The following RFPL4A variants were observed in gnomAD, a reference collection of about 807,000 sequenced individuals.
The protein encoded by RFPL4A is ret finger protein like 4A, also known as ret finger protein-like 4A.
A neutral mutation model predicts 8.3 loss-of-function variants in RFPL4A; 4 were observed. The ratio of observed to expected loss-of-function variants is 0.48; its 90% CI spans 0.24 to 1.10. The LOEUF is 1.10. RFPL4A is among the 50% of genes least tolerant of loss of function. The probability of loss-of-function intolerance (pLI) is 0.18; values close to 1 mark genes in which losing one functional copy is unlikely to be tolerated. For synonymous variants in RFPL4A, 43 were observed against 136.6 expected, an observed-to-expected ratio of 0.31 and a Z score of 4.78; for missense variants, 111 against 358.7, an observed-to-expected ratio of 0.31 and a Z score of 5.58.
intron 1 of RFPL4A, among the ~76,000 whole-genome samples, chr19:55,759,917 T>C (rs532055273): frequency 6.6e-6 from 1 of 151,852 alleles, no homozygotes; most frequent in South Asian, 2.1e-4. Flanking sequence ...AATAATCCAA[T>C]GTATATACCA....
At position 55,762,846 on chromosome 19, in the gene RFPL4A, G is replaced by T; in HGVS notation, c.535G>T (p.Val179Leu). The T allele has an allele frequency of 2.1e-6, 3 of 1,447,890 alleles. No homozygotes were observed. The highest frequency in any genetic ancestry group is 4.9e-5 in the East Asian group (2 of 40,746). 89.7% of individuals were successfully genotyped at this position (1,447,890 alleles called of 1,614,324 possible). A position where few individuals can be genotyped will look rare whatever the true frequency, so the allele number is the denominator to read the frequency against. The change falls in exon 3 of 3, where the codon GTG becomes TTG. Residue 179 changes from valine to leucine, a missense_variant. Physicochemically the swap from Val to Leu is conservative, Grantham distance 32 (BLOSUM62 1). Coordinates refer to ENST00000434937, the MANE Select transcript of RFPL4A (RefSeq NM_001145014.2). ...KESVNRQGKIVLSSEHGFLTV... is the reference protein window; with the variant it reads ...KESVNRQGKILLSSEHGFLTV... The stretch of plus-strand genomic sequence containing the variant: ...ATCTGTGAACCGACAGGGGAAGATT[G>T]TGCTTTCTTCAGAACACGGCTTCTT...
chr19:55,761,764 T>G (rs1290713990), intron 1 of RFPL4A, 28 bp from the exon 2 acceptor site: 2 of 1,417,420 alleles, frequency 1.4e-6, no homozygotes, highest in African/African-American at 3.2e-5. Context: ...GTGGAAATTC[T>G]AATTCTGTGT....
chr19:55,757,308 G>A (rs544080739), upstream of RFPL4A, among the ~76,000 whole-genome samples: 1 of 151,914 alleles, frequency 6.6e-6, no homozygotes, highest in African/African-American at 2.4e-5. Context: ...AGCCCACATG[G>A]CACATCTATA....
chr19:55,757,733 A>G (rs1304966117), upstream of RFPL4A, among the ~76,000 whole-genome samples: 4 of 152,100 alleles, frequency 2.6e-5, no homozygotes, highest in Admixed American at 2.0e-4. Flanking sequence ...TTCTGAACGG[A>G]AGAACTCCTC....
chr19:55,759,340 G>C (rs2868054), intron 1 of RFPL4A, among the ~76,000 whole-genome samples, 165 bp downstream of exon 1: 10 of 152,172 alleles, frequency 6.6e-5, no homozygotes, highest in Non-Finnish European at 1.2e-4. Flanking sequence ...AGTTAGGTAA[G>C]TCTTAGATTT....
At position 55,763,163 on chromosome 19, in the gene RFPL4A, T is replaced by A; in HGVS notation, c.852T>A (p.Ser284=). Reference sequence around the variant, plus strand: ...CCGCTGCCAGTGCCCCAGTTTCTTCTGAGGGAAAGTAAATAAACATTTGAA... The same window carrying A: ...CCGCTGCCAGTGCCCCAGTTTCTTCAGAGGGAAAGTAAATAAACATTTGAA... ...NPSAASAPVS[S]EGK Residue 284 remains serine (S), a synonymous_variant, in exon 3 of 3, where the codon TCT becomes TCA. Coordinates refer to ENST00000434937, the MANE Select transcript of RFPL4A (RefSeq NM_001145014.2). 1.3e-6 allele frequency: 2 copies of A among 1,536,498 alleles called. No homozygotes were observed. The highest frequency in any genetic ancestry group is 1.7e-6 in the Non-Finnish European group (2 of 1,144,510).
chr19:55,762,064 C>A lies in RFPL4A; in HGVS notation c.264C>A (p.Asn88Lys), dbSNP rs1328710012. The change falls in exon 2 of 3, where the codon AAC becomes AAA. Residue 88 changes from asparagine (N) to lysine (K), a missense_variant. Transcript: ENST00000434937. ...AGCTGAAATCTGTTCTAACAATGAA[C>A]CCAAGGATGAGGAAGTTTCAAGGTA... is the stretch of plus-strand genomic sequence containing the variant. ...EPKLKSVLTM[N>K]PRMRKFQVDM... 2 of 1,461,316 alleles carry A rather than the reference C, an allele frequency of 1.4e-6. No individual in the cohort carries two copies. The highest frequency in any genetic ancestry group is 2.3e-5 in the Admixed American group (1 of 42,758). The allele number at this position is 1,461,316 out of a possible 1,614,324, so 90.5% of individuals were successfully genotyped here.
intron 1 of RFPL4A, among the ~76,000 whole-genome samples, chr19:55,759,863 T>A (rs1452324124): frequency 1.3e-5 from 2 of 151,640 alleles, no homozygotes; most frequent in Non-Finnish European, 2.9e-5. Context: ...TCGGCCTTCA[T>A]CCACATTGGT....
intron 1 of RFPL4A, among the ~76,000 whole-genome samples, chr19:55,761,085 C>CTTTTTTTTTTTTTTTTTT (rs569591290): frequency 1.1e-5 from 1 of 94,556 alleles, no homozygotes; most frequent in Non-Finnish European, 2.5e-5. Flanking sequence ...CTGGTTTTTC[C>CTTTTTTTTTTTTTTTTTT]TTTTTTTTTT....
intron 1 of RFPL4A, among the ~76,000 whole-genome samples, chr19:55,759,649 C>A (rs1329329515): frequency 1.3e-5 from 2 of 151,612 alleles, no homozygotes; most frequent in Non-Finnish European, 2.9e-5. Context: ...AAAGATCTGG[C>A]CAGATGCTGG....
At chr19:55,758,960 G>A (rs567507107), upstream of RFPL4A, 4 of 150,450 alleles carry the variant, frequency 2.7e-5, no homozygotes, top group South Asian at 2.1e-4. Context: ...AAACACAGTC[G>A]TCTTCCTTTA....
chr19:55,761,646 C>T, intron 1 of RFPL4A, 146 bp from the exon 2 acceptor site: 1 of 1,219,928 alleles, frequency 8.2e-7, no homozygotes, highest in Non-Finnish European at 1.1e-6. Flanking sequence ...CATTTGTATT[C>T]ATGTTGTGTC....
chr19:55,760,346 G>C (rs186795274), intron 1 of RFPL4A, among the ~76,000 whole-genome samples: 1 of 151,468 alleles, frequency 6.6e-6, no homozygotes, highest in South Asian at 2.1e-4. Flanking sequence ...GGATGCTGTC[G>C]GGAGAACGAA....
At position 55,762,788 on chromosome 19, in the gene RFPL4A, C is replaced by A; in HGVS notation, c.477C>A (p.Thr159=). Residue 159 remains threonine, a synonymous_variant, in exon 3 of 3, where the codon ACC becomes ACA. Transcript: ENST00000434937. The part of the protein sequence containing the change: ...GRHYWEVDVG[T]SQVWDVGVCK... ...ATTACTGGGAGGTGGACGTGGGCAC[C>A]AGCCAAGTGTGGGATGTGGGCGTGT... 6.5e-7 allele frequency: 1 copy of A among 1,542,464 alleles called. No homozygotes were observed. The highest frequency in any genetic ancestry group is 8.8e-7 in the Non-Finnish European group (1 of 1,141,278).
At chr19:55,759,304 G>C (rs997412976) in intron 1 of RFPL4A, 129 bp downstream of exon 1, 1 of 152,098 alleles carries the variant, frequency 6.6e-6, no homozygotes, top group African/African-American at 2.4e-5. Flanking sequence ...ATTTCTGGAG[G>C]ATAAGGGGAC....
At chr19:55,762,420 C>T (rs1989304554) in intron 2 of RFPL4A, among the ~76,000 whole-genome samples, 178 bp from the exon 3 acceptor site, 1 of 151,440 alleles carries the variant, frequency 6.6e-6, no homozygotes, top group East Asian at 1.9e-4. Flanking sequence ...TTCATGCAAC[C>T]TATAGATACA....
chr19:55,763,064 T>A lies in RFPL4A; in HGVS notation c.753T>A (p.Arg251=). 1 of 1,551,780 alleles carries A rather than the reference T, an allele frequency of 6.4e-7. No homozygotes were observed. The highest frequency in any genetic ancestry group is 1.2e-5 in the South Asian group (1 of 84,052). Residue 251 remains arginine (R), a synonymous_variant, in exon 3 of 3, where the codon CGT becomes CGA. Transcript: ENST00000434937. ...AGATTCCTGTTTGCGAGCCCTGGCG[T>A]CCATTTTTTGCTCATAAACGTGGAA... ...FIEIPVCEPW[R]PFFAHKRGSQ...
At position 55,761,843 on chromosome 19, in the gene RFPL4A, C is replaced by G. The variant is rs202117713; in HGVS notation, c.43C>G (p.Leu15Val). 2,138 of 1,481,212 alleles carry G rather than the reference C, an allele frequency of 1.4e-3. 125 individuals carry two copies. Among genetic ancestry groups the G allele is most frequent in the Non-Finnish European group, 1.8e-3 (1,962 of 1,092,610 alleles). 91.8% of individuals were successfully genotyped at this position (1,481,212 alleles called of 1,614,324 possible). A position where few individuals can be genotyped will look rare whatever the true frequency, so the allele number is the denominator to read the frequency against. ...FKQIIRCPVC[L>V]KDLEEAVQLK... ...ACAGATCATTAGATGTCCTGTCTGT[C>G]TAAAAGATCTTGAAGAAGCCGTGCA... The change falls in exon 2 of 3, where the codon CTA becomes GTA. Residue 15 changes from leucine to valine, a missense_variant. By Grantham distance (32) the Leu-to-Val change is conservative. Coordinates refer to ENST00000434937, the MANE Select transcript of RFPL4A (RefSeq NM_001145014.2).
At chr19:55,760,660 G>A (rs145170091) in intron 1 of RFPL4A, among the ~76,000 whole-genome samples, 2,396 of 151,624 alleles carry the variant, frequency 0.016, 42 homozygotes, top group Admixed American at 0.026. Flanking sequence ...GGTCATTACT[G>A]TGGCAATGCT....
Sources: allele counts gnomAD v4.1 joint callset (sites outside exome capture counted in the v4.1 genomes callset), GRCh38; gene constraint gnomAD v4.1.1; transcripts MANE v1.5; gene names NCBI Gene and HGNC (gene_info 2026-07-23, HGNC 2026-07-21).